Variants in PDXDC1 observed in about 807,000 individuals in gnomAD.
PDXDC1 encodes pyridoxal-dependent decarboxylase domain-containing protein 1.
A neutral mutation model predicts 100.1 loss-of-function variants in PDXDC1; 42 were observed. That is an observed-to-expected ratio of 0.42 (90% CI 0.33 to 0.54). The LOEUF is 0.54. Among genes scored for constraint, PDXDC1 ranks in the 20% least tolerant of loss-of-function variants. The probability of loss-of-function intolerance (pLI) is 0.10; values close to 1 mark genes in which losing one functional copy is unlikely to be tolerated. For synonymous variants in PDXDC1, 260 were observed against 371.7 expected, an observed-to-expected ratio of 0.70 and a Z score of 3.46; for missense variants, 636 against 979.2, an observed-to-expected ratio of 0.65 and a Z score of 4.68.
intron 16 of PDXDC1, among the ~76,000 whole-genome samples, chr16:15,058,019 T>C (rs997048025): frequency 1.9e-4 from 29 of 152,110 alleles, no homozygotes; most frequent in African/African-American, 6.8e-4. Context: ...GAGGAAGCAA[T>C]AGCAGGTGTG....
the PDXDC1 span, among the ~76,000 whole-genome samples, chr16:15,150,359 A>AAATAAATG: frequency 6.7e-6 from 1 of 148,824 alleles, no homozygotes; most frequent in African/African-American, 2.5e-5. Flanking sequence ...ATAAATAAAT[A>AAATAAATG]AATAAATAAA....
intron 16 of PDXDC1, among the ~76,000 whole-genome samples, chr16:15,109,505 A>T (rs1371821123): frequency 6.7e-6 from 1 of 148,410 alleles, no homozygotes; most frequent in Admixed American, 6.7e-5. Context: ...AAAAATACAA[A>T]AATTATCTGG....
Position 15,008,693 on chromosome 16 carries a change from G to A in PDXDC1, c.580-86G>A. 8.0e-6 allele frequency: 10 copies of A among 1,248,618 alleles called. No individual in the cohort carries two copies. In the South Asian group the frequency reaches 1.3e-4, roughly 16 times the overall value. 77.3% of individuals were successfully genotyped at this position (1,248,618 alleles called of 1,614,324 possible). On this transcript the variant is annotated intron_variant, in intron 6 of 22. Coordinates refer to ENST00000396410, the MANE Select transcript of PDXDC1 (RefSeq NM_015027.4). ...AGAGATTTCTTAGAAGAATAATCGT[G>A]TCTTGTCTTAGAGCCACAGCCTTTC... is the stretch of plus-strand genomic sequence containing the variant.
intron 11 of PDXDC1, among the ~76,000 whole-genome samples, chr16:15,018,551 C>T (rs1432454820): frequency 2.0e-5 from 3 of 152,264 alleles, no homozygotes; most frequent in South Asian, 2.1e-4. Context: ...GAGCTACCTT[C>T]GAAGTGGGGA....
chr16:15,104,939 G>A (rs542395977), intron 16 of PDXDC1, among the ~76,000 whole-genome samples: 77 of 152,114 alleles, frequency 5.1e-4, no homozygotes, highest in African/African-American at 1.6e-3. Flanking sequence ...GCCGACAGCT[G>A]GGGGGTAAAG....
chr16:15,128,515 A>G (rs1468133530), intron 16 of PDXDC1: 1 of 665,502 alleles, frequency 1.5e-6, no homozygotes, highest in Non-Finnish European at 2.7e-6. Context: ...CCGGCTTTGC[A>G]CGGCTCTGCC....
the PDXDC1 span, among the ~76,000 whole-genome samples, chr16:15,148,369 G>GTTTT: frequency 4.9e-5 from 4 of 82,340 alleles, no homozygotes; most frequent in Admixed American, 1.4e-4. Context: ...CAGATCCTGT[G>GTTTT]ATTTTTTTTT....
chr16:14,985,132 C>T (rs1252632248), intron 1 of PDXDC1, among the ~76,000 whole-genome samples: 13 of 152,258 alleles, frequency 8.5e-5, no homozygotes, highest in African/African-American at 2.9e-4. Context: ...CCACCCCGGC[C>T]TCCCAAAGTG....
At chr16:15,020,664 G>C (rs2042124022) in intron 12 of PDXDC1, among the ~76,000 whole-genome samples, 2 of 152,048 alleles carry the variant, frequency 1.3e-5, no homozygotes, top group African/African-American at 4.8e-5. Context: ...ACTCCAGCCA[G>C]AGCGAAACTC....
intron 12 of PDXDC1, among the ~76,000 whole-genome samples, chr16:15,020,111 CAAAAAAAAAAA>C (rs56353637): frequency 7.7e-5 from 7 of 90,618 alleles, no homozygotes; most frequent in African/African-American, 2.2e-4. Flanking sequence ...GGCTCCGTCT[CAAAAAAAAAAA>C]AAAAAAAAAA....
chr16:15,111,898 T>G (rs2047082976), intron 16 of PDXDC1, among the ~76,000 whole-genome samples: 1 of 149,696 alleles, frequency 6.7e-6, no homozygotes, highest in Non-Finnish European at 1.5e-5. Flanking sequence ...AAGGAAGGAA[T>G]TAATTACCTT....
At chr16:15,092,579 A>G in intron 16 of PDXDC1, 1 of 1,613,356 alleles carries the variant, frequency 6.2e-7, no homozygotes, top group Non-Finnish European at 8.5e-7. Flanking sequence ...GGGAGAATTG[A>G]AAAAGTCATT....
chr16:15,027,588 G>A (rs1197665605), intron 14 of PDXDC1, among the ~76,000 whole-genome samples: 4 of 152,298 alleles, frequency 2.6e-5, no homozygotes, highest in Non-Finnish European at 4.4e-5. Flanking sequence ...CTCCGCTGAT[G>A]GGGGAGCCAG....
chr16:15,041,556 T>A, downstream of PDXDC1: 6 of 1,121,420 alleles, frequency 5.4e-6, no homozygotes, highest in Non-Finnish European at 8.2e-6. Flanking sequence ...TTGGGCCCAC[T>A]GCAAGACTGG....
In PDXDC1 at chr16:15,021,640, A is replaced by G. The variant is rs1363828114; in HGVS notation, c.1090-1064A>G. 7.2e-5 allele frequency among the ~76,000 whole-genome samples: 11 copies of G among 152,292 alleles called. No individual in the cohort carries two copies. The East Asian group carries it at 2.1e-3, about 29-fold the overall frequency. On this transcript the variant is annotated intron_variant, in intron 12 of 22. Coordinates refer to ENST00000396410, the MANE Select transcript of PDXDC1 (RefSeq NM_015027.4). Reference sequence around the variant, plus strand: ...CAGCACAGCTCTGGCATCTTCCTGCAGGCAGAACCGTATACTCCTGAGGAT... The same window carrying G: ...CAGCACAGCTCTGGCATCTTCCTGCGGGCAGAACCGTATACTCCTGAGGAT...
At chr16:15,142,117 G>A (rs1320626097), downstream of PDXDC1, among the ~76,000 whole-genome samples, 1 of 152,272 alleles carries the variant, frequency 6.6e-6, no homozygotes, top group South Asian at 2.1e-4. Context: ...AAGGAAAGAA[G>A]GAAAAGCCTG....
intron 16 of PDXDC1, among the ~76,000 whole-genome samples, chr16:15,070,629 T>C (rs2045183585): frequency 6.6e-6 from 1 of 152,180 alleles, no homozygotes; most frequent in African/African-American, 2.4e-5. Flanking sequence ...CAGTATTCCC[T>C]GATGCATCCT....
At chr16:15,044,174 GTCTT>G (rs1220466664) in intron 16 of PDXDC1, among the ~76,000 whole-genome samples, 1 of 152,172 alleles carries the variant, frequency 6.6e-6, no homozygotes, top group Non-Finnish European at 1.5e-5. Flanking sequence ...CACGCATTCA[GTCTT>G]TCTGTGAAAT....
intron 16 of PDXDC1, chr16:15,060,378 A>T (rs915916902): frequency 1.0e-5 from 2 of 199,822 alleles, no homozygotes; most frequent in South Asian, 1.4e-4. Flanking sequence ...ATTTTCCAAA[A>T]AAGTATTTAC....
Sources: allele counts gnomAD v4.1 joint callset (sites outside exome capture counted in the v4.1 genomes callset), GRCh38; gene constraint gnomAD v4.1.1; transcripts MANE v1.5; gene names NCBI Gene and HGNC (gene_info 2026-07-23, HGNC 2026-07-21).